Variants in SPOCK3 observed in about 807,000 individuals in gnomAD.
The protein encoded by SPOCK3 is testican-3.
SPOCK3 carries 30 observed loss-of-function variants against 56.6 expected under a neutral mutation model. The observed-to-expected ratio is 0.53, with a 90% CI of 0.40 to 0.72. The LOEUF is 0.72. Ranked by LOEUF, SPOCK3 falls within the 30% of genes least tolerant of loss-of-function variation. The pLI is 0.00. For synonymous variants in SPOCK3, 196 were observed against 183.3 expected, an observed-to-expected ratio of 1.07 and a Z score of -0.56; for missense variants, 527 against 530.0, an observed-to-expected ratio of 0.99 and a Z score of 0.06.
chr4:166,767,655 T>A (rs1327715013), intron 7 of SPOCK3, among the ~76,000 whole-genome samples: 1 of 152,208 alleles, frequency 6.6e-6, no homozygotes, highest in Non-Finnish European at 1.5e-5. Flanking sequence ...CTGAGAAGAA[T>A]GTATATTCTG....
chr4:167,083,680 A>C (rs978183508), intron 2 of SPOCK3, among the ~76,000 whole-genome samples: 2 of 152,128 alleles, frequency 1.3e-5, no homozygotes, highest in African/African-American at 2.4e-5. Flanking sequence ...TTGAGTCTGC[A>C]TGAATGATGT....
chr4:167,006,654 T>G (rs1358924574), intron 3 of SPOCK3, among the ~76,000 whole-genome samples: 1 of 152,224 alleles, frequency 6.6e-6, no homozygotes, highest in Non-Finnish European at 1.5e-5. Flanking sequence ...TCTTTACATT[T>G]CATATGAAAG....
intron 3 of SPOCK3, among the ~76,000 whole-genome samples, chr4:167,054,544 G>C (rs1240464765): frequency 6.6e-6 from 1 of 152,158 alleles, no homozygotes; most frequent in South Asian, 2.1e-4. Flanking sequence ...CTAATGAAGA[G>C]AAGTAATATC....
rs1473495338 is a variant in SPOCK3, at chr4:166,908,305, CA to C, written c.474+4314del. Among the ~76,000 whole-genome samples the C allele has an allele frequency of 1.0e-4, 15 of 147,650 alleles. 1 individual carries two copies. Among genetic ancestry groups the C allele is most frequent in the South Asian group, 8.7e-4 (4 of 4,612 alleles). On this transcript the variant is annotated intron_variant, in intron 5 of 10. Transcript: ENST00000357545. ...ACACACACACACACACACACACACACACACACCCCTACCTTTTATTTAAGTA... is the reference window on the plus strand; with the variant it reads ...ACACACACACACACACACACACACACCACACCCCTACCTTTTATTTAAGTA...
Position 166,748,937 on chromosome 4 carries a change from A to G in SPOCK3, c.931+5571T>C, listed in dbSNP as rs1736009501. Among the ~76,000 whole-genome samples the G allele has an allele frequency of 1.5e-5, 2 of 137,810 alleles. 1 individual carries two copies. Among genetic ancestry groups the G allele is most frequent in the African/African-American group, 6.2e-5 (2 of 32,472 alleles). 90.4% of individuals were successfully genotyped at this position (137,810 alleles called of 152,430 possible). A position where few individuals can be genotyped will look rare whatever the true frequency, so the allele number is the denominator to read the frequency against. On this transcript the variant is annotated intron_variant, in intron 8 of 10. Coordinates refer to ENST00000357545, the MANE Select transcript of SPOCK3 (RefSeq NM_001040159.2). ...AAATGCATATCAAAACCACAATGAG[A>G]TACCATCTCACACCAGTTAGAATGG...
intron 4 of SPOCK3, among the ~76,000 whole-genome samples, chr4:166,933,342 G>A (rs551445177): frequency 6.6e-6 from 1 of 152,214 alleles, no homozygotes; most frequent in South Asian, 2.1e-4. Context: ...CCTTACTTGG[G>A]AGCTATGGCA....
intron 2 of SPOCK3, among the ~76,000 whole-genome samples, chr4:167,175,853 T>A (rs1357817065): frequency 6.6e-6 from 1 of 152,156 alleles, no homozygotes; most frequent in East Asian, 1.9e-4. Flanking sequence ...ACTAATACAA[T>A]ACTATCAATA....
chr4:166,740,334 A>G (rs2126382251), intron 9 of SPOCK3, among the ~76,000 whole-genome samples: 1 of 55,030 alleles, frequency 1.8e-5, no homozygotes, highest in Non-Finnish European at 4.4e-5. Context: ...AATGGGAACT[A>G]AGTATTTTTT....
chr4:166,970,762 A>T (rs116610613), intron 4 of SPOCK3, among the ~76,000 whole-genome samples: 1,807 of 152,102 alleles, frequency 0.012, 25 homozygotes, highest in African/African-American at 0.041. Flanking sequence ...GTAACACAGG[A>T]CTTGATCACT....
At position 167,071,705 on chromosome 4, in the gene SPOCK3, T is replaced by C. The variant is rs148771378; in HGVS notation, c.190-9168A>G. ...CATAGGTGTGCATGTGTCTTTATAG[T>C]AGCATGATTTATAATCCTTTGGATA... On this transcript the variant is annotated intron_variant, in intron 2 of 10. Coordinates refer to ENST00000357545, the MANE Select transcript of SPOCK3 (RefSeq NM_001040159.2). 7.9e-3 allele frequency among the ~76,000 whole-genome samples: 1,202 copies of C among 152,052 alleles called. 14 individuals are homozygous for C. Among genetic ancestry groups the C allele is most frequent in the African/African-American group, 0.027 (1,133 of 41,454 alleles).
chr4:166,851,298 C>T (rs1002953263), intron 6 of SPOCK3, among the ~76,000 whole-genome samples: 5 of 152,282 alleles, frequency 3.3e-5, no homozygotes, highest in South Asian at 2.1e-4. Context: ...AAAGGATATC[C>T]ACACCAAAAA....
chr4:167,000,322 A>G (rs1748818463), intron 4 of SPOCK3, 27 bp downstream of exon 4: 2 of 1,146,766 alleles, frequency 1.7e-6, no homozygotes, highest in Middle Eastern at 2.0e-4. Context: ...CTGTTCAATC[A>G]GTGGGATTAA....
intron 4 of SPOCK3, among the ~76,000 whole-genome samples, chr4:166,930,641 G>A (rs1739643166): frequency 1.3e-5 from 2 of 152,152 alleles, no homozygotes. Flanking sequence ...GAAAAGGTCA[G>A]ACACTTAAAT....
chr4:166,737,755 C>T lies in SPOCK3; in HGVS notation c.995-151G>A, dbSNP rs139140178. The T allele has an allele frequency of 1.6e-4, 133 of 816,566 alleles. No individual in the cohort carries two copies. The East Asian group carries it at 3.9e-3, about 24-fold the overall frequency. The allele number at this position is 816,566 out of a possible 1,614,324, so 50.6% of individuals were successfully genotyped here. ...TATTCCAGGATAGATACCAGTGATG[C>T]CTTAGAAGAAATCAGGGAAGTCTTT... On this transcript the variant is annotated intron_variant, in intron 9 of 10. Coordinates refer to ENST00000357545, the MANE Select transcript of SPOCK3 (RefSeq NM_001040159.2).
intron 2 of SPOCK3, among the ~76,000 whole-genome samples, chr4:167,081,824 G>A (rs958797086): frequency 1.3e-5 from 2 of 152,062 alleles, no homozygotes; most frequent in Admixed American, 1.3e-4. Flanking sequence ...TAAGGTAATA[G>A]GAGTAGGGAA....
chr4:167,081,123 G>C (rs751349502), intron 2 of SPOCK3, among the ~76,000 whole-genome samples: 9 of 151,806 alleles, frequency 5.9e-5, no homozygotes, highest in Non-Finnish European at 1.3e-4. Context: ...GCTGGCTTTT[G>C]AGGCAGCATG....
At chr4:167,200,418 G>T (rs1463214790) in intron 2 of SPOCK3, among the ~76,000 whole-genome samples, 1 of 151,894 alleles carries the variant, frequency 6.6e-6, no homozygotes, top group Non-Finnish European at 1.5e-5. Flanking sequence ...TAAATTTACA[G>T]GTTGAAATTA....
At chr4:166,874,765 G>A (rs1355088695) in intron 6 of SPOCK3, among the ~76,000 whole-genome samples, 4 of 152,138 alleles carry the variant, frequency 2.6e-5, no homozygotes, top group African/African-American at 7.2e-5. Flanking sequence ...GGTACATGAC[G>A]TATATGCAAA....
intron 2 of SPOCK3, among the ~76,000 whole-genome samples, chr4:167,127,086 CTGAT>C (rs773624217): frequency 2.0e-5 from 3 of 152,100 alleles, no homozygotes; most frequent in South Asian, 4.1e-4. Flanking sequence ...AATTGATTGA[CTGAT>C]TGATTGATAT....
Sources: allele counts gnomAD v4.1 joint callset (sites outside exome capture counted in the v4.1 genomes callset), GRCh38; gene constraint gnomAD v4.1.1; transcripts MANE v1.5; gene names NCBI Gene and HGNC (gene_info 2026-07-23, HGNC 2026-07-21).